Variants in CSGALNACT1 observed in about 807,000 individuals in gnomAD.
CSGALNACT1 encodes the protein beta4GalNAcT-1.
A neutral mutation model predicts 51.0 loss-of-function variants in CSGALNACT1; 52 were observed. That is an observed-to-expected ratio of 1.02 (90% CI 0.82 to 1.29). CSGALNACT1 has a LOEUF of 1.29. Among genes scored for constraint, CSGALNACT1 ranks in the 50% most tolerant of loss-of-function variants. CSGALNACT1 has a pLI of 0.00. For synonymous variants in CSGALNACT1, 341 were observed against 254.4 expected (o/e 1.34, Z -3.24); for missense variants, 935 against 679.2 (o/e 1.38, Z -4.19).
At chr8:19,655,919 C>G in intron 1 of CSGALNACT1, among the ~76,000 whole-genome samples, 1 of 152,110 alleles carries the variant, frequency 6.6e-6, no homozygotes, top group East Asian at 1.9e-4. Flanking sequence ...CACTACTATG[C>G]TAATTGAAAG....
chr8:19,463,164 C>G (rs2065926400), intron 4 of CSGALNACT1, among the ~76,000 whole-genome samples: 2 of 151,992 alleles, frequency 1.3e-5, no homozygotes, highest in Non-Finnish European at 2.9e-5. Context: ...TTCTTTTTTT[C>G]ATGGCTGTGT....
chr8:19,649,459 T>C (rs1000342889), intron 1 of CSGALNACT1, among the ~76,000 whole-genome samples: 2 of 152,158 alleles, frequency 1.3e-5, no homozygotes, highest in African/African-American at 2.4e-5. Context: ...CTGGAATTAA[T>C]TAGGAAGAAG....
chr8:19,567,749 C>G (rs1307716395), intron 3 of CSGALNACT1, among the ~76,000 whole-genome samples: 2 of 151,840 alleles, frequency 1.3e-5, no homozygotes, highest in African/African-American at 4.8e-5. Context: ...ATCCAAAATC[C>G]AAATGAAAAC....
intron 3 of CSGALNACT1, among the ~76,000 whole-genome samples, chr8:19,525,847 G>C (rs989641375): frequency 6.6e-6 from 1 of 151,978 alleles, no homozygotes; most frequent in Non-Finnish European, 1.5e-5. Flanking sequence ...TGAGGCCAGG[G>C]GTGGCTCTAT....
chr8:19,610,385 G>A (rs116182932), intron 1 of CSGALNACT1, among the ~76,000 whole-genome samples: 1,515 of 150,864 alleles, frequency 0.01, 19 homozygotes, highest in African/African-American at 0.035. Context: ...CAACCCCCAC[G>A]GACCTCGGTG....
chr8:19,480,934 GC>G, intron 4 of CSGALNACT1, among the ~76,000 whole-genome samples: 1 of 152,098 alleles, frequency 6.6e-6, no homozygotes, highest in Non-Finnish European at 1.5e-5. Context: ...CCCCTCTTGT[GC>G]CCTGCTGTTT....
chr8:19,744,116 G>A (rs2064493847), intron 1 of CSGALNACT1, among the ~76,000 whole-genome samples: 3 of 152,170 alleles, frequency 2.0e-5, no homozygotes, highest in African/African-American at 7.2e-5. Flanking sequence ...GTATAATGGT[G>A]CAATCAATGT....
At position 19,406,024 on chromosome 8, in the gene CSGALNACT1, T is replaced by A. The variant is rs778181331; in HGVS notation, c.1355A>T (p.His452Leu). The A allele has an allele frequency of 1.9e-6, 3 of 1,614,188 alleles. No individual in the cohort carries two copies. In the South Asian group the frequency reaches 3.3e-5, roughly 18 times the overall value. ...GCTGTGGAGATACTTGCGATAAAGGTGCACATCCTCTCCGCCCCAGCCTTT... is the reference window on the plus strand; with the variant it reads ...GCTGTGGAGATACTTGCGATAAAGGAGCACATCCTCTCCGCCCCAGCCTTT... The change falls in exon 10 of 10, where the codon CAC becomes CTC. Residue 452 changes from histidine to leucine, a missense_variant. His to Leu is a moderately conservative substitution (Grantham distance 99). Transcript: ENST00000454498.
chr8:19,569,708 A>G (rs1196176308), intron 3 of CSGALNACT1, among the ~76,000 whole-genome samples: 2 of 152,204 alleles, frequency 1.3e-5, no homozygotes, highest in Non-Finnish European at 2.9e-5. Flanking sequence ...ACCTAGGCCT[A>G]TGCTATGACC....
intron 3 of CSGALNACT1, among the ~76,000 whole-genome samples, chr8:19,560,204 T>C (rs1464991753): frequency 2.0e-5 from 3 of 152,172 alleles, no homozygotes; most frequent in African/African-American, 7.2e-5. Context: ...ATAAAAAAAT[T>C]CATTTCAATC....
intron 1 of CSGALNACT1, among the ~76,000 whole-genome samples, chr8:19,610,750 T>A (rs1321222627): frequency 6.6e-6 from 1 of 152,192 alleles, no homozygotes; most frequent in Non-Finnish European, 1.5e-5. Context: ...CTTGCACCCA[T>A]TCTGCAAAGC....
At chr8:19,644,468 G>C (rs1286274833) in intron 1 of CSGALNACT1, among the ~76,000 whole-genome samples, 1 of 150,596 alleles carries the variant, frequency 6.6e-6, no homozygotes, top group Non-Finnish European at 1.5e-5. Context: ...CCGGTACTTT[G>C]GGAGGCTGAG....
intron 1 of CSGALNACT1, among the ~76,000 whole-genome samples, chr8:19,681,725 C>G (rs537210862): frequency 6.6e-6 from 1 of 152,326 alleles, no homozygotes; most frequent in African/African-American, 2.4e-5. Flanking sequence ...CTCAACTCCT[C>G]CCATCTCTGT....
rs1430602758 is a variant in CSGALNACT1, at chr8:19,637,058, G to T, written c.-543-35193C>A. ...AAAAAAAAAATAGAACAATTAGCCA[G>T]ACATGGTGGTCTCCACCTGTAATCC... On this transcript the variant is annotated intron_variant, in intron 1 of 9. Transcript: ENST00000332246. Among the ~76,000 whole-genome samples the T allele has an allele frequency of 6.6e-5, 10 of 152,030 alleles. No homozygotes were observed. In the East Asian group the frequency reaches 9.7e-4, roughly 15 times the overall value.
intron 1 of CSGALNACT1, among the ~76,000 whole-genome samples, chr8:19,653,649 G>C (rs778547407): frequency 2.6e-5 from 4 of 152,024 alleles, no homozygotes; most frequent in Non-Finnish European, 2.9e-5. Flanking sequence ...AAAAAAATTT[G>C]TGGGTGTGGT....
chr8:19,525,790 C>A (rs894488940), intron 3 of CSGALNACT1, among the ~76,000 whole-genome samples: 2 of 152,176 alleles, frequency 1.3e-5, no homozygotes, highest in East Asian at 3.9e-4. Flanking sequence ...GAGGCACAAC[C>A]TCTGAACTGA....
chr8:19,404,278 A>C (rs1284668475), exon 10 of CSGALNACT1: 1 of 448,966 alleles, frequency 2.2e-6, no homozygotes, highest in South Asian at 1.6e-5. Flanking sequence ...TTTTTAACAC[A>C]CCAACAGCTT....
intron 1 of CSGALNACT1, among the ~76,000 whole-genome samples, chr8:19,666,097 G>A (rs1564380973): frequency 6.6e-6 from 1 of 152,154 alleles, no homozygotes; most frequent in East Asian, 1.9e-4. Context: ...AATCCAGGCA[G>A]ACTTCAAGAT....
At chr8:19,755,138 C>T (rs1488025694) in intron 1 of CSGALNACT1, among the ~76,000 whole-genome samples, 6 of 152,088 alleles carry the variant, frequency 3.9e-5, no homozygotes, top group Admixed American at 2.6e-4. Flanking sequence ...CCTTGCAGAC[C>T]TTACTGATAT....
Sources: gnomAD v4.1 joint callset for allele counts (sites outside exome capture counted in the v4.1 genomes callset) on GRCh38, gnomAD v4.1.1 for gene constraint, MANE v1.5 for transcripts, NCBI Gene and HGNC (gene_info 2026-07-23, HGNC 2026-07-21) for gene names.